Variants in MAGI2 observed in about 807,000 individuals in gnomAD.
MAGI2 encodes membrane-associated guanylate kinase, WW and PDZ domain-containing protein 2.
Under a neutral mutation model 133.3 loss-of-function variants are expected in MAGI2, and 35 were observed. The observed-to-expected ratio is 0.26, with a 90% CI of 0.20 to 0.35. MAGI2 has a LOEUF of 0.35. Among genes scored for constraint, MAGI2 ranks in the 10% least tolerant of loss-of-function variants. The probability of loss-of-function intolerance (pLI) is 1.00; values close to 1 mark genes in which losing one functional copy is unlikely to be tolerated. For missense variants in MAGI2, 1,636 were observed against 1,863.4 expected (o/e 0.88, Z 2.25); for synonymous variants, 729 against 710.6 (o/e 1.03, Z -0.41).
At chr7:78,073,700 G>C (rs541818857) in intron 21 of MAGI2, among the ~76,000 whole-genome samples, 1 of 152,194 alleles carries the variant, frequency 6.6e-6, no homozygotes, top group Non-Finnish European at 1.5e-5. Flanking sequence ...GTGTATGTTC[G>C]TGTTGTACTC....
At chr7:78,227,406 GT>G (rs1332701533) in intron 10 of MAGI2, among the ~76,000 whole-genome samples, 3 of 152,146 alleles carry the variant, frequency 2.0e-5, no homozygotes, top group African/African-American at 7.2e-5. Context: ...TTTCACCAGA[GT>G]TCTGCTCATC....
intron 4 of MAGI2, among the ~76,000 whole-genome samples, chr7:78,519,611 G>T (rs1052087691): frequency 6.6e-6 from 1 of 152,132 alleles, no homozygotes; most frequent in African/African-American, 2.4e-5. Context: ...AACCATAAAA[G>T]CACATCATCC....
chr7:79,246,204 C>T (rs928727841), intron 1 of MAGI2, among the ~76,000 whole-genome samples: 6 of 152,124 alleles, frequency 3.9e-5, no homozygotes, highest in South Asian at 2.1e-4. Context: ...CAGATGGTGG[C>T]GGCTAAAATA....
chr7:78,630,539 C>G (rs1162784543), intron 2 of MAGI2, among the ~76,000 whole-genome samples: 1 of 151,350 alleles, frequency 6.6e-6, no homozygotes, highest in African/African-American at 2.4e-5. Context: ...GCCTCAGCCC[C>G]TTGAGTAGCT....
chr7:78,227,602 G>A (rs752383783), intron 10 of MAGI2, among the ~76,000 whole-genome samples: 4 of 152,078 alleles, frequency 2.6e-5, no homozygotes, highest in Non-Finnish European at 4.4e-5. Flanking sequence ...TTGCATCATA[G>A]GATTTAGACT....
intron 2 of MAGI2, among the ~76,000 whole-genome samples, chr7:78,873,177 G>A (rs1056440993): frequency 1.3e-5 from 2 of 152,162 alleles, no homozygotes; most frequent in Non-Finnish European, 2.9e-5. Context: ...TGCTAAATAA[G>A]TATTTTTTAT....
chr7:78,907,518 T>C (rs1798075049), intron 2 of MAGI2, among the ~76,000 whole-genome samples: 1 of 152,152 alleles, frequency 6.6e-6, no homozygotes, highest in Non-Finnish European at 1.5e-5. Flanking sequence ...AAGGGCAACA[T>C]AGTAGCTAAA....
intron 2 of MAGI2, chr7:78,904,045 G>A (rs545784452): frequency 1.3e-5 from 2 of 152,250 alleles, no homozygotes; most frequent in East Asian, 1.9e-4. Flanking sequence ...GTAATAGGTG[G>A]GACAGCTGAT....
chr7:78,784,359 T>C (rs1826639231), intron 2 of MAGI2, among the ~76,000 whole-genome samples: 1 of 152,100 alleles, frequency 6.6e-6, no homozygotes, highest in Admixed American at 6.6e-5. Context: ...CCCTCCTGTC[T>C]CTTGCTCCTC....
At chr7:78,639,992 A>G (rs570412022) in intron 2 of MAGI2, among the ~76,000 whole-genome samples, 25 of 152,326 alleles carry the variant, frequency 1.6e-4, no homozygotes, top group African/African-American at 4.8e-4. Flanking sequence ...CAGACAGAAT[A>G]TGATTTCTGC....
chr7:78,177,863 C>T (rs1261740440), intron 14 of MAGI2, 148 bp downstream of exon 14: 3 of 530,824 alleles, frequency 5.7e-6, no homozygotes, highest in Non-Finnish European at 1.0e-5. Context: ...TTAAAGAAAA[C>T]AGCAAGGAAA....
At chr7:78,647,522 T>C (rs1020594997) in intron 2 of MAGI2, among the ~76,000 whole-genome samples, 1 of 152,098 alleles carries the variant, frequency 6.6e-6, no homozygotes, top group Non-Finnish European at 1.5e-5. Flanking sequence ...TGTGGAGAAA[T>C]AGGAACGCTT....
At chr7:78,775,547 C>T (rs558742952) in intron 2 of MAGI2, among the ~76,000 whole-genome samples, 1 of 152,162 alleles carries the variant, frequency 6.6e-6, no homozygotes, top group Admixed American at 6.5e-5. Context: ...TGACCTCTCC[C>T]TTCTTTCTCT....
At chr7:79,427,759 G>A (rs769330829) in intron 1 of MAGI2, among the ~76,000 whole-genome samples, 1 of 152,128 alleles carries the variant, frequency 6.6e-6, no homozygotes, top group Non-Finnish European at 1.5e-5. Context: ...CGGAAAAAAA[G>A]TAGAAACAGA....
chr7:79,104,138 C>T (rs1415817267), intron 1 of MAGI2, among the ~76,000 whole-genome samples: 1 of 152,068 alleles, frequency 6.6e-6, no homozygotes, highest in Non-Finnish European at 1.5e-5. Context: ...TAAAGCAAAA[C>T]CATTCTAAAC....
chr7:78,127,987 T>TAATC lies in MAGI2; in HGVS notation c.3204-575_3204-572dup, dbSNP rs1032630123. On this transcript the variant is annotated intron_variant, in intron 18 of 21. Coordinates refer to ENST00000354212, the MANE Select transcript of MAGI2 (RefSeq NM_012301.4). ...AGGTTAAAGGAGTGATGGTAAAATATAATCACCAACTACAAACCAAGTGGC... is the reference window on the plus strand; with the variant it reads ...AGGTTAAAGGAGTGATGGTAAAATATAATCAATCACCAACTACAAACCAAGTGGC... 9.9e-5 allele frequency among the ~76,000 whole-genome samples: 15 copies of TAATC among 151,878 alleles called. No individual in the cohort carries two copies. In the South Asian group the frequency reaches 1.0e-3, roughly 10 times the overall value.
intron 20 of MAGI2, among the ~76,000 whole-genome samples, chr7:78,104,186 G>C (rs1818449280): frequency 6.6e-6 from 1 of 152,136 alleles, no homozygotes; most frequent in Non-Finnish European, 1.5e-5. Context: ...TGGAGCAGGG[G>C]AGCAGCTCAT....
chr7:79,068,783 G>A (rs1054226005), intron 1 of MAGI2, among the ~76,000 whole-genome samples: 9 of 152,126 alleles, frequency 5.9e-5, no homozygotes, highest in African/African-American at 9.7e-5. Flanking sequence ...ATTCTGGTAC[G>A]TTGTGTCTTT....
chr7:79,066,875 C>T (rs891667722), intron 1 of MAGI2, among the ~76,000 whole-genome samples: 3 of 152,076 alleles, frequency 2.0e-5, no homozygotes, highest in Non-Finnish European at 4.4e-5. Flanking sequence ...AATCCTTTCC[C>T]CATTGCTTGT....
Sources: gnomAD v4.1 joint callset for allele counts (sites outside exome capture counted in the v4.1 genomes callset) on GRCh38, gnomAD v4.1.1 for gene constraint, MANE v1.5 for transcripts, NCBI Gene and HGNC (gene_info 2026-07-23, HGNC 2026-07-21) for gene names.